Variants in AKAP7 observed in about 807,000 individuals in gnomAD.
AKAP7 encodes A-kinase anchoring protein 7.
Under a neutral mutation model 39.5 loss-of-function variants are expected in AKAP7, and 39 were observed. The observed-to-expected ratio is 0.99, with a 90% CI of 0.76 to 1.29. The LOEUF (loss-of-function observed/expected upper bound fraction) is 1.29. Among genes scored for constraint, AKAP7 ranks in the 50% most tolerant of loss-of-function variants. The pLI is 0.00. For synonymous variants in AKAP7, 140 were observed against 139.1 expected, an observed-to-expected ratio of 1.01 and a Z score of -0.05; for missense variants, 414 against 407.7, an observed-to-expected ratio of 1.02 and a Z score of -0.13.
At chr6:131,217,742 T>A (rs1185108963) in intron 6 of AKAP7, among the ~76,000 whole-genome samples, 5 of 152,234 alleles carry the variant, frequency 3.3e-5, no homozygotes, top group Admixed American at 2.0e-4. Context: ...TCATGTTTTA[T>A]TTCTTTAAAA....
At chr6:131,206,420 G>A (rs1175668760) in intron 6 of AKAP7, among the ~76,000 whole-genome samples, 1 of 152,146 alleles carries the variant, frequency 6.6e-6, no homozygotes, top group Non-Finnish European at 1.5e-5. Context: ...CAGAATTCAA[G>A]ATGCAAAAAG....
chr6:131,151,234 G>C (rs531811457), intron 2 of AKAP7, among the ~76,000 whole-genome samples: 1 of 151,304 alleles, frequency 6.6e-6, no homozygotes, highest in Non-Finnish European at 1.5e-5. Flanking sequence ...GTAGAGACAG[G>C]GTTTCATCAT....
chr6:131,215,187 A>G (rs989112228), intron 6 of AKAP7, among the ~76,000 whole-genome samples: 1 of 152,142 alleles, frequency 6.6e-6, no homozygotes, highest in African/African-American at 2.4e-5. Context: ...ATCACTCCTT[A>G]TATTTCCGCT....
At position 131,135,589 on chromosome 6, in the gene AKAP7, C is replaced by G; in HGVS notation, c.-175C>G. The G allele has an allele frequency of 2.3e-6, 1 of 438,010 alleles. No homozygotes were observed. Among genetic ancestry groups the G allele is most frequent in the African/African-American group, 2.2e-5 (1 of 46,270 alleles). The allele number at this position is 438,010 out of a possible 1,614,324, so 27.1% of individuals were successfully genotyped here. A position where few individuals can be genotyped will look rare whatever the true frequency, so the allele number is the denominator to read the frequency against. Reference sequence around the variant, plus strand: ...AGCTCCGCGCTTCCGCAGGCCTGGCCTCCGCCGCCCGGGCCCCCGCAGCCT... The same window carrying G: ...AGCTCCGCGCTTCCGCAGGCCTGGCGTCCGCCGCCCGGGCCCCCGCAGCCT... On this transcript the variant is annotated 5_prime_UTR_variant, in exon 1 of 8. Coordinates refer to ENST00000431975, the MANE Select transcript of AKAP7 (RefSeq NM_016377.4).
chr6:131,211,073 G>A (rs1174759272), intron 6 of AKAP7, among the ~76,000 whole-genome samples: 1 of 152,170 alleles, frequency 6.6e-6, no homozygotes, highest in Non-Finnish European at 1.5e-5. Context: ...TTATTGGCAG[G>A]TACCTAAGAT....
chr6:131,145,288 GAATT>G lies in AKAP7; in HGVS notation c.28_31del (p.Asn10ProfsTer26), dbSNP rs1801390813. ...TTCTGTTTGTGATATGTTAAAGGAG[GAATT>G]AATTCCAATGAGTGTGAAAATGTAT... is the stretch of plus-strand genomic sequence containing the variant. On this transcript the variant is annotated frameshift_variant, in exon 2 of 8. Transcript: ENST00000431975. LOFTEE classifies it high-confidence loss of function. The G allele has an allele frequency of 2.0e-6, 3 of 1,490,596 alleles. No individual in the cohort carries two copies. In the Admixed American group the frequency reaches 6.3e-5, roughly 31 times the overall value. 92.3% of individuals were successfully genotyped at this position (1,490,596 alleles called of 1,614,324 possible).
Position 131,135,510 on chromosome 6 carries a change from T to G in AKAP7, c.-254T>G, listed in dbSNP as rs1260767118. Among the ~76,000 whole-genome samples the G allele has an allele frequency of 6.7e-6, 1 of 148,494 alleles. No individual in the cohort carries two copies. Among genetic ancestry groups the G allele is most frequent in the Non-Finnish European group, 1.5e-5 (1 of 66,648 alleles). On this transcript the variant is annotated 5_prime_UTR_variant, in exon 1 of 8. Coordinates refer to ENST00000431975, the MANE Select transcript of AKAP7 (RefSeq NM_016377.4). ...CGGCCTGGCATGCGGGTGCTGCGGC[T>G]GCTGCGGCTGCCGCCGCCGCTGCTG...
In AKAP7 at chr6:131,241,525, G is replaced by C. The variant is rs142488781; in HGVS notation, c.850+21717G>C. ...TTTTGGGCATATGAAAGCAGCTGTG[G>C]CCCAATTAAGGGGCTTGTTGAGGAG... On this transcript the variant is annotated intron_variant, in intron 7 of 7. Transcript: ENST00000431975. Among the ~76,000 whole-genome samples the C allele has an allele frequency of 3.0e-3, 456 of 150,670 alleles. 4 individuals are homozygous for C. The highest frequency in any genetic ancestry group is 0.01 in the African/African-American group (429 of 40,956).
intron 7 of AKAP7, among the ~76,000 whole-genome samples, chr6:131,271,054 AAATGTTTTACATTTTGATG>A (rs1585217752): frequency 1.3e-5 from 2 of 152,318 alleles, no homozygotes; most frequent in East Asian, 3.9e-4. Context: ...TGAAAAGAGC[AAATGTTTTACATTTTGATG>A]AAGTTCAATT....
Position 131,199,493 on chromosome 6 carries a change from A to C in AKAP7, c.622A>C (p.Ile208Leu). Residue 208 changes from isoleucine (I) to leucine (L), a missense_variant, in exon 6 of 8, where the codon ATC (isoleucine) becomes CTC (leucine). By Grantham distance (5) the Ile-to-Leu change is conservative. Transcript: ENST00000431975. ...TANRTFQEKG[I>L]LVGESRSFKP... is the part of the protein sequence containing the mutation. ...AAATAGGACATTTCAAGAAAAAGGCATCCTGGTAGGAGAGAGCAGAAGTTT... is the reference window on the plus strand; with the variant it reads ...AAATAGGACATTTCAAGAAAAAGGCCTCCTGGTAGGAGAGAGCAGAAGTTT... The C allele has an allele frequency of 6.2e-7, 1 of 1,609,178 alleles. No homozygotes were observed. The highest frequency in any genetic ancestry group is 8.5e-7 in the Non-Finnish European group (1 of 1,176,446).
chr6:131,196,739 A>C (rs1386135140), intron 5 of AKAP7, among the ~76,000 whole-genome samples: 1 of 152,070 alleles, frequency 6.6e-6, no homozygotes, highest in African/African-American at 2.4e-5. Context: ...ATGAAAATTT[A>C]TTTACCCTTG....
At chr6:131,136,413 A>T (rs1470482058) in intron 1 of AKAP7, among the ~76,000 whole-genome samples, 1 of 152,252 alleles carries the variant, frequency 6.6e-6, no homozygotes, top group African/African-American at 2.4e-5. Context: ...GTTTCATAGG[A>T]TAAACTCATA....
At chr6:131,279,682 G>A (rs1815050371) in intron 7 of AKAP7, among the ~76,000 whole-genome samples, 1 of 152,182 alleles carries the variant, frequency 6.6e-6, no homozygotes, top group Non-Finnish European at 1.5e-5. Flanking sequence ...TTTGGAGGTT[G>A]AGCCATTCAT....
At chr6:131,203,789 T>C (rs770258444) in intron 6 of AKAP7, among the ~76,000 whole-genome samples, 2 of 152,220 alleles carry the variant, frequency 1.3e-5, no homozygotes, top group Non-Finnish European at 2.9e-5. Flanking sequence ...TTTATCATAA[T>C]TTAAACATTC....
chr6:131,266,702 G>GTT (rs3842086), intron 7 of AKAP7, among the ~76,000 whole-genome samples: 3 of 143,812 alleles, frequency 2.1e-5, no homozygotes, highest in South Asian at 4.4e-4. Context: ...TGTTGTTGTT[G>GTT]TTGTTGTTTT....
chr6:131,217,425 C>T (rs959495301), intron 6 of AKAP7, among the ~76,000 whole-genome samples: 14 of 152,004 alleles, frequency 9.2e-5, no homozygotes, highest in Admixed American at 2.6e-4. Flanking sequence ...CAGAGAATGA[C>T]GATCATGTTG....
At position 131,135,682 on chromosome 6, in the gene AKAP7, C is replaced by T. The variant is rs1049768796; in HGVS notation, c.-82C>T. The T allele has an allele frequency of 5.5e-5, 61 of 1,109,498 alleles. 1 individual carries two copies. The highest frequency in any genetic ancestry group is 6.4e-5 in the Non-Finnish European group (58 of 909,768). The allele number at this position is 1,109,498 out of a possible 1,614,324, so 68.7% of individuals were successfully genotyped here. On this transcript the variant is annotated 5_prime_UTR_variant, in exon 1 of 8. Transcript: ENST00000431975. The stretch of plus-strand genomic sequence containing the variant: ...CCGAGCCCCGCCCTGGCCTCCGCCT[C>T]GGCCTCGCCTCCAGCCCCGGGACGC...
intron 7 of AKAP7, among the ~76,000 whole-genome samples, chr6:131,232,065 C>T (rs1048100134): frequency 2.6e-5 from 4 of 152,076 alleles, no homozygotes; most frequent in Non-Finnish European, 4.4e-5. Context: ...GCTGTTAATC[C>T]GGATGCTAAC....
At chr6:131,149,149 A>C (rs1282628600) in intron 2 of AKAP7, among the ~76,000 whole-genome samples, 2 of 152,234 alleles carry the variant, frequency 1.3e-5, no homozygotes, top group Non-Finnish European at 2.9e-5. Context: ...ATTAGGCAGC[A>C]TGTGGTCTGG....
Sources: gnomAD v4.1 joint callset for allele counts (sites outside exome capture counted in the v4.1 genomes callset) on GRCh38, gnomAD v4.1.1 for gene constraint, MANE v1.5 for transcripts, NCBI Gene and HGNC (gene_info 2026-07-23, HGNC 2026-07-21) for gene names.